GSS: variants seen among roughly 807,000 people sequenced by gnomAD.
GSS encodes GSH synthetase.
A neutral mutation model predicts 60.4 loss-of-function variants in GSS; 34 were observed. That is an observed-to-expected ratio of 0.56 (90% confidence interval 0.43 to 0.75). The LOEUF (loss-of-function observed/expected upper bound fraction) is 0.75, where lower values mean the gene tolerates loss of function less well. Among genes scored for constraint, GSS ranks in the 30% least tolerant of loss-of-function variants. The pLI is 0.00. For missense variants in GSS, 499 were observed against 595.1 expected, an observed-to-expected ratio of 0.84 and a Z score of 1.68; for synonymous variants, 224 against 239.0, an observed-to-expected ratio of 0.94 and a Z score of 0.58.
chr20:34,947,251 G>A (rs528689661), intron 2 of GSS, among the ~76,000 whole-genome samples: 1 of 151,824 alleles, frequency 6.6e-6, no homozygotes, highest in Non-Finnish European at 1.5e-5. Context: ...CCACACCCAG[G>A]TAATTTTTGT....
chr20:34,947,611 T>C (rs1430116954), intron 2 of GSS, among the ~76,000 whole-genome samples: 1 of 152,162 alleles, frequency 6.6e-6, no homozygotes, highest in African/African-American at 2.4e-5. Flanking sequence ...TACACATATA[T>C]TTTCTCTTTT....
intron 3 of GSS, 127 bp downstream of exon 3, chr20:34,945,826 G>A (rs2147132009): frequency 2.0e-6 from 2 of 991,192 alleles, no homozygotes; most frequent in East Asian, 4.9e-5. Context: ...ATGACTTTTT[G>A]TTCTTTGGAG....
intron 2 of GSS, chr20:34,949,423 A>AG (rs1555888972): frequency 1.5e-5 from 2 of 135,304 alleles, no homozygotes; most frequent in African/African-American, 5.5e-5. Context: ...TCTCTTGAAC[A>AG]TTTTTTTTTT....
chr20:34,951,504 G>A (rs981262808), intron 2 of GSS: 13 of 562,966 alleles, frequency 2.3e-5, no homozygotes, highest in Middle Eastern at 4.8e-4. Flanking sequence ...AGCTGAGAGC[G>A]GTTAAGTAAT....
At chr20:34,940,324 C>A (rs553193663) in intron 6 of GSS, among the ~76,000 whole-genome samples, 5 of 152,358 alleles carry the variant, frequency 3.3e-5, no homozygotes, top group African/African-American at 9.6e-5. Context: ...AGTTCCCCAG[C>A]TGACCCATCC....
At chr20:34,943,300 G>A (rs2081498770) in intron 3 of GSS, among the ~76,000 whole-genome samples, 1 of 152,074 alleles carries the variant, frequency 6.6e-6, no homozygotes, top group African/African-American at 2.4e-5. Flanking sequence ...TAGAGTTGTG[G>A]TAAAAAGCCA....
At chr20:34,951,651 G>A (rs1569018840) in intron 2 of GSS, 73 bp downstream of exon 2, 4 of 1,500,742 alleles carry the variant, frequency 2.7e-6, no homozygotes, top group Non-Finnish European at 3.6e-6. Flanking sequence ...TGATGCAAAG[G>A]AGTGACCCTC....
In GSS at chr20:34,946,074, G is replaced by A. The variant is rs767650551; in HGVS notation, c.154C>T (p.Leu52Phe). The change falls in exon 3 of 13, where the codon CTC (leucine) becomes TTC (phenylalanine). Residue 52 changes from leucine (L) to phenylalanine (F), a missense_variant. By Grantham distance (22) the Leu-to-Phe change is conservative (BLOSUM62 0). Coordinates refer to ENST00000651619, the MANE Select transcript of GSS (RefSeq NM_000178.4). ...GCACTGGGGACCAGTGAGGGGAAGAGCGTGAATGGGGCATAGCTCACCACC... is the reference window on the plus strand; with the variant it reads ...GCACTGGGGACCAGTGAGGGGAAGAACGTGAATGGGGCATAGCTCACCACC... Reference protein sequence around the residue: ...SEVVSYAPFTLFPSLVPSALL... With the variant: ...SEVVSYAPFTFFPSLVPSALL... 4 of 1,613,522 alleles carry A rather than the reference G, an allele frequency of 2.5e-6. No individual in the cohort carries two copies. Among genetic ancestry groups the A allele is most frequent in the Non-Finnish European group, 3.4e-6 (4 of 1,179,656 alleles).
At chr20:34,948,542 T>C (rs1293210359) in intron 2 of GSS, among the ~76,000 whole-genome samples, 2 of 152,080 alleles carry the variant, frequency 1.3e-5, no homozygotes, top group African/African-American at 4.8e-5. Context: ...TCCCAGCACT[T>C]TGGGAGGCCG....
intron 1 of GSS, chr20:34,952,091 A>T (rs2081574069): frequency 1.7e-6 from 1 of 573,714 alleles, no homozygotes; most frequent in African/African-American, 1.9e-5. Flanking sequence ...TTTGATTCCC[A>T]ACACAATGGC....
In GSS at chr20:34,941,731, T is replaced by G. The variant is rs1234040449; in HGVS notation, c.590A>C (p.Glu197Ala). ...CCCTTACTTGGGTGAGCCGTAGAGC[T>G]CCCAGGCTTTGGCAATTCCCAGGGC... ...GLALGIAKAWELYGSPNALVL... is the reference protein window; with the variant it reads ...GLALGIAKAWALYGSPNALVL... Residue 197 changes from glutamate (E) to alanine (A), a missense_variant, in exon 6 of 13, where the codon GAG (glutamate) becomes GCG (alanine). Coordinates refer to ENST00000651619, the MANE Select transcript of GSS (RefSeq NM_000178.4). 2 of 1,601,506 alleles carry G rather than the reference T, an allele frequency of 1.2e-6. No homozygotes were observed. The highest frequency in any genetic ancestry group is 1.7e-6 in the Non-Finnish European group (2 of 1,169,608).
chr20:34,948,178 T>C lies in GSS; in HGVS notation c.130-2080A>G, dbSNP rs922483744. Among the ~76,000 whole-genome samples, 6 of 152,276 alleles carry C rather than the reference T, an allele frequency of 3.9e-5. No homozygotes were observed. In the East Asian group the frequency reaches 1.2e-3, roughly 29 times the overall value. On this transcript the variant is annotated intron_variant, in intron 2 of 12. Coordinates refer to ENST00000651619, the MANE Select transcript of GSS (RefSeq NM_000178.4). ...ATTTGTGAGAATAAGGTTTATTCAG[T>C]CTGAAGCCTTTATGAGTTAGAATGG...
chr20:34,940,160 A>C (rs1324704516), intron 6 of GSS, among the ~76,000 whole-genome samples: 5 of 152,184 alleles, frequency 3.3e-5, no homozygotes, highest in African/African-American at 4.8e-5. Flanking sequence ...CAGCAGAAGA[A>C]CCTATCTCAC....
chr20:34,946,928 C>T (rs963804861), intron 2 of GSS, among the ~76,000 whole-genome samples: 3 of 152,120 alleles, frequency 2.0e-5, no homozygotes, highest in African/African-American at 7.2e-5. Flanking sequence ...GAGATCCCTG[C>T]CAACAACTGA....
At chr20:34,945,829 C>T (rs1226781362) in intron 3 of GSS, 124 bp downstream of exon 3, 64 of 1,036,552 alleles carry the variant, frequency 6.2e-5, no homozygotes, top group Non-Finnish European at 9.0e-5. Flanking sequence ...ACTTTTTGTT[C>T]TTTGGAGGTA....
chr20:34,931,215 G>A, intron 11 of GSS, 121 bp downstream of exon 11: 2 of 809,218 alleles, frequency 2.5e-6, no homozygotes, highest in East Asian at 2.6e-5. Context: ...CATGTGGCCT[G>A]TGTCAGTTCC....
At chr20:34,929,058 A>C in intron 12 of GSS, 107 bp from the exon 13 acceptor site, 1 of 1,369,858 alleles carries the variant, frequency 7.3e-7, no homozygotes, top group East Asian at 2.3e-5. Flanking sequence ...TATACCAAGA[A>C]AGTGCTAGGA....
intron 6 of GSS, among the ~76,000 whole-genome samples, chr20:34,939,762 G>A (rs2081468922): frequency 2.0e-5 from 3 of 150,394 alleles, no homozygotes; most frequent in Middle Eastern, 3.4e-3. Flanking sequence ...TCCACCTCCC[G>A]GGTTCAAGTG....
chr20:34,942,026 T>C (rs2081487032), intron 5 of GSS, among the ~76,000 whole-genome samples, 197 bp from the exon 6 acceptor site: 1 of 152,152 alleles, frequency 6.6e-6, no homozygotes, highest in South Asian at 2.1e-4. Flanking sequence ...TGTATATGCC[T>C]GGAGGAGACC....
Sources: gnomAD v4.1 joint callset for allele counts (sites outside exome capture counted in the v4.1 genomes callset) on GRCh38, gnomAD v4.1.1 for gene constraint, MANE v1.5 for transcripts, NCBI Gene and HGNC (gene_info 2026-07-23, HGNC 2026-07-21) for gene names.